The following ABCA6 variants were observed in gnomAD, a reference collection of about 807,000 sequenced individuals.
The protein encoded by ABCA6 is ATP binding cassette subfamily A member 6.
ABCA6 carries 164 observed loss-of-function variants against 191.2 expected under a neutral mutation model. That is an observed-to-expected ratio of 0.86 (90% CI 0.76 to 0.98). The LOEUF (loss-of-function observed/expected upper bound fraction) is 0.98. Among genes scored for constraint, ABCA6 ranks in the 50% least tolerant of loss-of-function variants. ABCA6 has a pLI of 0.00. For missense variants in ABCA6, 1,958 were observed against 1,894.1 expected, an observed-to-expected ratio of 1.03 and a Z score of -0.63; for synonymous variants, 636 against 647.7, an observed-to-expected ratio of 0.98 and a Z score of 0.27.
chr17:69,111,049 T>C (rs2073413355), intron 16 of ABCA6, 109 bp from the exon 17 acceptor site: 1 of 1,079,806 alleles, frequency 9.3e-7, no homozygotes, highest in Admixed American at 2.9e-5. Context: ...CTTGGCTTTA[T>C]GGAACAAAAA....
At chr17:69,134,894 T>C in intron 4 of ABCA6, 152 bp from the exon 5 acceptor site, 1 of 559,014 alleles carries the variant, frequency 1.8e-6, no homozygotes, top group Non-Finnish European at 3.1e-6. Flanking sequence ...TTGTCTTTTT[T>C]TTTTTGGAGA....
At chr17:69,091,801 C>T (rs2072929732) in intron 25 of ABCA6, among the ~76,000 whole-genome samples, 1 of 150,232 alleles carries the variant, frequency 6.7e-6, no homozygotes, top group East Asian at 1.9e-4. Flanking sequence ...GGATTACAGG[C>T]GTGAGCCACC....
chr17:69,117,825 C>T, intron 11 of ABCA6, 73 bp downstream of exon 11: 1 of 1,128,112 alleles, frequency 8.9e-7, no homozygotes, highest in Non-Finnish European at 1.3e-6. Context: ...CAAATTTTTT[C>T]ACATTGAATG....
At position 69,102,898 on chromosome 17, in the gene ABCA6, T is replaced by C; in HGVS notation, c.2811A>G (p.Glu937=). Residue 937 remains glutamate, a synonymous_variant, in exon 21 of 39, where the codon GAA becomes GAG. Transcript: ENST00000284425. The part of the protein sequence containing the change: ...QNILLEVDDF[E]NRNGTDGLSY... ...AGAGGCCATCAGTACCATTTCTGTT[T>C]TCAAAGTCATCTACTTCCAAAAGTA... 1 of 1,600,722 alleles carries C rather than the reference T, an allele frequency of 6.2e-7. No homozygotes were observed. The highest frequency in any genetic ancestry group is 1.7e-5 in the Admixed American group (1 of 57,552).
chr17:69,098,637 A>AG (rs904534756), intron 22 of ABCA6: 4 of 151,302 alleles, frequency 2.6e-5, no homozygotes, highest in African/African-American at 9.7e-5. Context: ...AAAAAAAAAA[A>AG]AAAAAAAAAA....
intron 31 of ABCA6, 104 bp downstream of exon 31, chr17:69,085,519 CAA>C (rs35438104): frequency 0.045 from 20,965 of 460,886 alleles, no homozygotes; most frequent in East Asian, 0.087. Flanking sequence ...TATCCAAAGG[CAA>C]AAAAAAAAAA....
Position 69,106,129 on chromosome 17 carries a change from CT to C in ABCA6, c.2471del (p.Gln824ArgfsTer4). 1 of 1,613,948 alleles carries C rather than the reference CT, an allele frequency of 6.2e-7. No individual in the cohort carries two copies. Among genetic ancestry groups the C allele is most frequent in the Non-Finnish European group, 8.5e-7 (1 of 1,179,912 alleles). The stretch of plus-strand genomic sequence containing the variant: ...AGAGGCCCATGTCACTCACAGCTGT[CT>C]GCATTTCAGAGAAGGAAGAGTGAGC... ...ELAHSSFSEM[Q>X]TAVSDMGLWR... On this transcript the variant is annotated frameshift_variant, in exon 19 of 39. Coordinates refer to ENST00000284425, the MANE Select transcript of ABCA6 (RefSeq NM_080284.3). LOFTEE classifies it high-confidence loss of function.
chr17:69,114,882 G>A lies in ABCA6; in HGVS notation c.1662C>T (p.Ile554=), dbSNP rs2073506937. The part of the protein sequence containing the change: ...NLSEMQDLEE[I]RKITGVCPQF... ...GAGGACAGACGCCAGTTATCTTTCT[G>A]ATTTCCTCCAAGTCTTGCATTTCAG... Residue 554 remains isoleucine, a synonymous_variant, in exon 13 of 39, where the codon ATC becomes ATT. Coordinates refer to ENST00000284425, the MANE Select transcript of ABCA6 (RefSeq NM_080284.3). 1.9e-6 allele frequency: 3 copies of A among 1,612,226 alleles called. No homozygotes were observed. The highest frequency in any genetic ancestry group is 2.5e-6 in the Non-Finnish European group (3 of 1,178,880).
chr17:69,089,417 T>C, intron 27 of ABCA6, 48 bp downstream of exon 27: 9 of 1,538,552 alleles, frequency 5.8e-6, no homozygotes, highest in Non-Finnish European at 8.1e-6. Flanking sequence ...TTATAGTGAA[T>C]GACAGTCATC....
At chr17:69,121,447 T>C (rs923363015) in intron 10 of ABCA6, among the ~76,000 whole-genome samples, 1 of 152,002 alleles carries the variant, frequency 6.6e-6, no homozygotes, top group African/African-American at 2.4e-5. Context: ...AGCCAAAAGC[T>C]TTAGTGAATA....
At chr17:69,130,686 T>C (rs2073846423) in intron 6 of ABCA6, among the ~76,000 whole-genome samples, 1 of 152,220 alleles carries the variant, frequency 6.6e-6, no homozygotes, top group Non-Finnish European at 1.5e-5. Context: ...TAACTTCAGC[T>C]TTGTTAGATA....
At chr17:69,091,353 A>G (rs1210996065) in intron 25 of ABCA6, 91 bp from the exon 26 acceptor site, 5 of 1,408,428 alleles carry the variant, frequency 3.6e-6, no homozygotes, top group African/African-American at 2.9e-5. Flanking sequence ...CTCATGATGT[A>G]TATCATAATG....
chr17:69,100,466 G>C (rs189959218), intron 22 of ABCA6, among the ~76,000 whole-genome samples: 29 of 152,234 alleles, frequency 1.9e-4, no homozygotes, highest in African/African-American at 6.5e-4. Context: ...TATGTAACCA[G>C]GGTTACAAGT....
intron 36 of ABCA6, among the ~76,000 whole-genome samples, chr17:69,082,251 A>C (rs1324906826): frequency 6.6e-6 from 1 of 151,912 alleles, no homozygotes; most frequent in Non-Finnish European, 1.5e-5. Context: ...TGATGTACTT[A>C]TCTCTCCACG....
At chr17:69,115,257 A>G in intron 12 of ABCA6, 119 bp downstream of exon 12, 1 of 686,754 alleles carries the variant, frequency 1.5e-6, no homozygotes. Flanking sequence ...CTTGGAAACA[A>G]CTTTAGATAA....
At chr17:69,116,188 G>T (rs535227218) in intron 11 of ABCA6, among the ~76,000 whole-genome samples, 1 of 152,060 alleles carries the variant, frequency 6.6e-6, no homozygotes, top group Non-Finnish European at 1.5e-5. Context: ...GGGTAAGAGG[G>T]AAGTGATACT....
At chr17:69,129,513 G>A in intron 7 of ABCA6, 97 bp downstream of exon 7, 1 of 1,037,674 alleles carries the variant, frequency 9.6e-7, no homozygotes, top group Non-Finnish European at 1.4e-6. Flanking sequence ...CAATGGACAT[G>A]AAAGTAGTGA....
At chr17:69,118,459 ATAAACTTGCCATTG>A (rs1400700488) in intron 10 of ABCA6, among the ~76,000 whole-genome samples, 3 of 152,056 alleles carry the variant, frequency 2.0e-5, no homozygotes, top group African/African-American at 4.8e-5. Flanking sequence ...AATTCTCAAA[ATAAACTTGCCATTG>A]TAAACTTGCC....
rs891363474 is a variant in ABCA6 at position 69,078,876 on chromosome 17, T to C, written c.*97A>G. 1 of 696,192 alleles carries C rather than the reference T, an allele frequency of 1.4e-6. No homozygotes were observed. The highest frequency in any genetic ancestry group is 2.2e-6 in the Non-Finnish European group (1 of 452,486). 43.1% of individuals were successfully genotyped at this position (696,192 alleles called of 1,614,324 possible). The stretch of plus-strand genomic sequence containing the variant: ...CTAAATTTACAAAATATACCTGATG[T>C]TAATTTTAAATGATCTTTAAAATTA... On this transcript the variant is annotated 3_prime_UTR_variant, in exon 39 of 39. Coordinates refer to ENST00000284425, the MANE Select transcript of ABCA6 (RefSeq NM_080284.3).
Sources: gnomAD v4.1 joint callset for allele counts (sites outside exome capture counted in the v4.1 genomes callset) on GRCh38, gnomAD v4.1.1 for gene constraint, MANE v1.5 for transcripts, NCBI Gene and HGNC (gene_info 2026-07-23, HGNC 2026-07-21) for gene names.